The following NSUN4 variants were observed in gnomAD, a reference collection of about 807,000 sequenced individuals.
The protein encoded by NSUN4 is NOP2/Sun RNA methyltransferase 4.
A neutral mutation model predicts 43.8 loss-of-function variants in NSUN4; 31 were observed. The observed-to-expected ratio is 0.71, with a 90% CI of 0.53 to 0.96. The LOEUF (loss-of-function observed/expected upper bound fraction) is 0.96, where lower values mean the gene tolerates loss of function less well. Ranked by LOEUF, NSUN4 falls within the 40% of genes least tolerant of loss-of-function variation. The pLI is 0.00. For missense variants in NSUN4, 439 were observed against 475.6 expected (o/e 0.92, Z 0.72); for synonymous variants, 167 against 184.1 (o/e 0.91, Z 0.75).
At position 46,348,976 on chromosome 1, in the gene NSUN4, G is replaced by A. The variant is rs527714507; in HGVS notation, c.592+1901G>A. Among the ~76,000 whole-genome samples the A allele has an allele frequency of 7.3e-5, 11 of 151,432 alleles. No individual in the cohort carries two copies. The East Asian group carries it at 9.7e-4, about 13-fold the overall frequency. On this transcript the variant is annotated intron_variant, in intron 3 of 5. Coordinates refer to ENST00000474844, the MANE Select transcript of NSUN4 (RefSeq NM_199044.4). ...ATTACAGGCACCCACCACCACACCC[G>A]GATAATTTTTGTATTTTTAGTAGAG...
At chr1:46,343,746 C>T (rs1402223947) in intron 1 of NSUN4, 3 of 400,602 alleles carry the variant, frequency 7.5e-6, no homozygotes, top group Non-Finnish European at 1.3e-5. Flanking sequence ...CATAAATGAG[C>T]ACCAGGGTGA....
At chr1:46,357,138 G>GT (rs1663438170) in intron 4 of NSUN4, among the ~76,000 whole-genome samples, 1 of 152,150 alleles carries the variant, frequency 6.6e-6, no homozygotes, top group Admixed American at 6.6e-5. Flanking sequence ...TAGTGCAACA[G>GT]TACAACTTCC....
intron 2 of NSUN4, 53 bp downstream of exon 2, chr1:46,345,197 C>A: frequency 7.5e-7 from 1 of 1,330,044 alleles, no homozygotes; most frequent in Non-Finnish European, 1.0e-6. Flanking sequence ...TGGAAGTAGA[C>A]ATGTTGAGAC....
chr1:46,340,847 G>A lies in NSUN4; in HGVS notation c.21G>A (p.Arg7=). Residue 7 remains arginine (R), a synonymous_variant, in exon 1 of 6, where the codon AGG becomes AGA. Transcript: ENST00000474844. ...CCGATATGGCTGCGCTGACACTGAG[G>A]GGTGTCCGGGAGCTGCTGAAGCGTG... MAALTL[R]GVRELLKRVD... 1.2e-6 allele frequency: 2 copies of A among 1,612,602 alleles called. No homozygotes were observed. Among genetic ancestry groups the A allele is most frequent in the Non-Finnish European group, 1.7e-6 (2 of 1,179,384 alleles).
chr1:46,371,797 G>A, the NSUN4 span, among the ~76,000 whole-genome samples: 1 of 152,108 alleles, frequency 6.6e-6, no homozygotes, highest in Admixed American at 6.6e-5. Context: ...CATGGCAAAA[G>A]CAGGAGCAAG....
Position 46,363,745 on chromosome 1 carries a change from T to A in NSUN4, c.*1899T>A, listed in dbSNP as rs1181689095. 1 of 152,610 alleles carries A rather than the reference T, an allele frequency of 6.6e-6. No individual in the cohort carries two copies. Among genetic ancestry groups the A allele is most frequent in the African/African-American group, 2.4e-5 (1 of 41,434 alleles). 9.5% of individuals were successfully genotyped at this position (152,610 alleles called of 1,614,324 possible). On this transcript the variant is annotated 3_prime_UTR_variant, in exon 6 of 6. Coordinates refer to ENST00000474844, the MANE Select transcript of NSUN4 (RefSeq NM_199044.4). ...AAGAGAGTGGACAAGTAAACTGGAATATTCACATAATAGAACATTATACAA... is the reference window on the plus strand; with the variant it reads ...AAGAGAGTGGACAAGTAAACTGGAAAATTCACATAATAGAACATTATACAA...
intron 1 of NSUN4, chr1:46,341,942 C>G: frequency 8.1e-7 from 1 of 1,232,892 alleles, no homozygotes; most frequent in Non-Finnish European, 1.0e-6. Context: ...GCCCGGCAAC[C>G]TCCTTTCCCC....
chr1:46,341,229 C>T, intron 1 of NSUN4: 1 of 1,105,140 alleles, frequency 9.0e-7, no homozygotes, highest in Non-Finnish European at 1.1e-6. Context: ...CCTTTCTGTC[C>T]CCCACTCCCC....
chr1:46,342,855 C>G (rs576960161), intron 1 of NSUN4: 1 of 400,130 alleles, frequency 2.5e-6, no homozygotes, highest in South Asian at 1.3e-4. Flanking sequence ...CCAGCCCAAG[C>G]CCGCTAAGGC....
chr1:46,345,147 A>G lies in NSUN4; in HGVS notation c.437+3A>G. The G allele has an allele frequency of 6.3e-7, 1 of 1,592,262 alleles. No individual in the cohort carries two copies. Among genetic ancestry groups the G allele is most frequent in the Non-Finnish European group, 8.5e-7 (1 of 1,169,706 alleles). On this transcript the variant is annotated splice_donor_region_variant and intron_variant, in intron 2 of 5. Coordinates refer to ENST00000474844, the MANE Select transcript of NSUN4 (RefSeq NM_199044.4). Reference sequence around the variant, plus strand: ...ATCAGTCGCTTCCCTCCTGCCAGGTAGGATCTGGAGCCATGACTGGAGCGG... The same window carrying G: ...ATCAGTCGCTTCCCTCCTGCCAGGTGGGATCTGGAGCCATGACTGGAGCGG...
chr1:46,360,247 A>AT (rs1663748295), intron 4 of NSUN4, among the ~76,000 whole-genome samples: 1 of 23,244 alleles, frequency 4.3e-5, no homozygotes, highest in African/African-American at 1.3e-4. Flanking sequence ...AAAAAAAAAA[A>AT]AAATATATAT....
chr1:46,367,763 CTTTTTTTT>C (rs35109012), downstream of NSUN4, among the ~76,000 whole-genome samples: 25 of 124,622 alleles, frequency 2.0e-4, no homozygotes, highest in African/African-American at 3.6e-4. Flanking sequence ...TCTGAAATTT[CTTTTTTTT>C]TTTTTTTTTT....
downstream of NSUN4, among the ~76,000 whole-genome samples, chr1:46,366,198 C>T (rs1410590924): frequency 6.6e-6 from 1 of 152,068 alleles, no homozygotes; most frequent in East Asian, 1.9e-4. Flanking sequence ...TCCTAATTTG[C>T]ATTTCTCTAA....
At chr1:46,358,374 G>T (rs1569764710) in intron 4 of NSUN4, among the ~76,000 whole-genome samples, 1 of 149,134 alleles carries the variant, frequency 6.7e-6, no homozygotes, top group African/African-American at 2.5e-5. Context: ...GGGATTATAG[G>T]CATGAGCTAC....
At chr1:46,382,791 A>G in the NSUN4 span, among the ~76,000 whole-genome samples, 2 of 152,106 alleles carry the variant, frequency 1.3e-5, no homozygotes, top group African/African-American at 4.8e-5. Flanking sequence ...TTGTAGAGAC[A>G]GGGTTTCACC....
intron 3 of NSUN4, among the ~76,000 whole-genome samples, chr1:46,349,268 T>G (rs1474205950): frequency 6.6e-6 from 1 of 151,898 alleles, no homozygotes; most frequent in Non-Finnish European, 1.5e-5. Flanking sequence ...GCCTCCCAGA[T>G]AGCTGGGACC....
Position 46,360,263 on chromosome 1 carries a change from T to A in NSUN4, c.754-441T>A, listed in dbSNP as rs866503711. 1.4e-4 allele frequency among the ~76,000 whole-genome samples: 14 copies of A among 101,146 alleles called. 1 individual carries two copies. Among genetic ancestry groups the A allele is most frequent in the South Asian group, 8.1e-4 (2 of 2,458 alleles). The allele number at this position is 101,146 out of a possible 152,430, so 66.4% of individuals were successfully genotyped here. ...AAAAAAAAAAAAATATATATATATATATATATATATATATGTAAATTAGTC... is the reference window on the plus strand; with the variant it reads ...AAAAAAAAAAAAATATATATATATAAATATATATATATATGTAAATTAGTC... On this transcript the variant is annotated intron_variant, in intron 4 of 5. Transcript: ENST00000474844.
In NSUN4 at chr1:46,345,117, G is replaced by A. The variant is rs982414041; in HGVS notation, c.410G>A (p.Gly137Glu). 3.7e-6 allele frequency: 6 copies of A among 1,611,090 alleles called. No homozygotes were observed. Among genetic ancestry groups the A allele is most frequent in the Non-Finnish European group, 5.1e-6 (6 of 1,178,490 alleles). The change falls in exon 2 of 6, where the codon GGG (glycine) becomes GAG (glutamate). Residue 137 changes from glycine to glutamate, a missense_variant. Coordinates refer to ENST00000474844, the MANE Select transcript of NSUN4 (RefSeq NM_199044.4). ...PNLRCFTFDR[G>E]DISRFPPARP... ...CTTCGATGCTTCACTTTTGACAGAG[G>A]GGATATCAGTCGCTTCCCTCCTGCC...
chr1:46,342,841 C>T (rs1189897242), intron 1 of NSUN4: 2 of 399,952 alleles, frequency 5.0e-6, no homozygotes, highest in Non-Finnish European at 4.4e-6. Context: ...CACACCCCTT[C>T]TGGCCAGCCC....
Sources: gnomAD v4.1 joint callset for allele counts (sites outside exome capture counted in the v4.1 genomes callset) on GRCh38, gnomAD v4.1.1 for gene constraint, MANE v1.5 for transcripts, NCBI Gene and HGNC (gene_info 2026-07-23, HGNC 2026-07-21) for gene names.